Variants in ANGPTL5 observed in about 807,000 individuals in gnomAD.
ANGPTL5 encodes angiopoietin-related protein 5.
ANGPTL5 carries 34 observed loss-of-function variants against 39.4 expected under a neutral mutation model. The ratio of observed to expected loss-of-function variants is 0.86; its 90% CI spans 0.66 to 1.15. The LOEUF (loss-of-function observed/expected upper bound fraction) is 1.15. Ranked by LOEUF, ANGPTL5 falls within the 50% of genes most tolerant of loss-of-function variation. The pLI is 0.00. For missense variants in ANGPTL5, 467 were observed against 457.5 expected (o/e 1.02, Z -0.19); for synonymous variants, 146 against 152.1 (o/e 0.96, Z 0.29).
intron 3 of ANGPTL5, among the ~76,000 whole-genome samples, chr11:101,906,883 C>A (rs1279641322): frequency 6.6e-6 from 1 of 151,964 alleles, no homozygotes; most frequent in Non-Finnish European, 1.5e-5. Context: ...GCCTGAGACC[C>A]TTTTGTTGCA....
At chr11:101,897,064 G>A (rs2137052856) in intron 7 of ANGPTL5, among the ~76,000 whole-genome samples, 3 of 152,280 alleles carry the variant, frequency 2.0e-5, no homozygotes, top group Admixed American at 2.0e-4. Context: ...GGTGTGAGAT[G>A]GTATCTCCTT....
In ANGPTL5 at chr11:101,907,845, G is replaced by T. The variant is rs748917714; in HGVS notation, c.65C>A (p.Ala22Asp). The change falls in exon 2 of 9, where the codon GCT (alanine) becomes GAT (aspartate). Residue 22 changes from alanine (A) to aspartate (D), a missense_variant. Transcript: ENST00000334289. ...LNVCIFICGE[A>D]VQGNCVHHST... The stretch of plus-strand genomic sequence containing the variant: ...ATGATGTACACAGTTACCTTGTACA[G>T]CTTCTCCACAAATAAAAATACATAC... 12 of 1,609,472 alleles carry T rather than the reference G, an allele frequency of 7.5e-6. No individual in the cohort carries two copies. Among genetic ancestry groups the T allele is most frequent in the Non-Finnish European group, 8.5e-7 (1 of 1,176,168 alleles).
chr11:101,892,852 C>T (rs1047721420), intron 8 of ANGPTL5, among the ~76,000 whole-genome samples: 1 of 152,228 alleles, frequency 6.6e-6, no homozygotes, highest in African/African-American at 2.4e-5. Context: ...TGAAGAACTT[C>T]ATTAGCAGTG....
rs1939914667 is a variant in ANGPTL5 at position 101,902,167 on chromosome 11, C to A, written c.540+454G>T. Among the ~76,000 whole-genome samples, 3 of 152,032 alleles carry A rather than the reference C, an allele frequency of 2.0e-5. No homozygotes were observed. In the South Asian group the frequency reaches 6.2e-4, roughly 32 times the overall value. Reference sequence around the variant, plus strand: ...AATTTCTCATACAATCACATAAAATCATCTATCATCAGAAGAAATTATAAC... The same window carrying A: ...AATTTCTCATACAATCACATAAAATAATCTATCATCAGAAGAAATTATAAC... On this transcript the variant is annotated intron_variant, in intron 6 of 8. Coordinates refer to ENST00000334289, the MANE Select transcript of ANGPTL5 (RefSeq NM_178127.5).
rs372877223 is a variant in ANGPTL5, at chr11:101,905,702, A to G, written c.345+42T>C. 52 of 1,327,570 alleles carry G rather than the reference A, an allele frequency of 3.9e-5. No individual in the cohort carries two copies. The African/African-American group carries it at 5.5e-4, about 14-fold the overall frequency. The allele number at this position is 1,327,570 out of a possible 1,614,324, so 82.2% of individuals were successfully genotyped here. On this transcript the variant is annotated intron_variant, in intron 4 of 8. Coordinates refer to ENST00000334289, the MANE Select transcript of ANGPTL5 (RefSeq NM_178127.5). ...TATACCTCCAGCTAACTATACATCA[A>G]CGTGTACATGCAATAACAACACAAT...
rs146549224 is a variant in ANGPTL5 at position 101,894,878 on chromosome 11, C to A, written c.847+1G>T. 99 of 1,610,618 alleles carry A rather than the reference C, an allele frequency of 6.1e-5. No individual in the cohort carries two copies. The highest frequency in any genetic ancestry group is 1.6e-4 in the Middle Eastern group (1 of 6,074). On this transcript the variant is annotated splice_donor_variant, in intron 8 of 8. Coordinates refer to ENST00000334289, the MANE Select transcript of ANGPTL5 (RefSeq NM_178127.5). LOFTEE classifies it high-confidence loss of function. ...AATTTTAGGAATAAAAAAAATCTTA[C>A]CAGCATTTCCTGAATACCGTCCTAA... is the stretch of plus-strand genomic sequence containing the variant.
rs1038894067 is a variant in ANGPTL5, at chr11:101,909,427, A to C, written c.-92-1426T>G. 7.2e-5 allele frequency among the ~76,000 whole-genome samples: 11 copies of C among 152,226 alleles called. 1 individual carries two copies. The highest frequency in any genetic ancestry group is 3.9e-4 in the Admixed American group (6 of 15,290). ...TGATTACCTCCTTTGTATTATGGAA[A>C]TTGTTGTATGGATTAAAAGATATGT... On this transcript the variant is annotated intron_variant, in intron 1 of 8. Transcript: ENST00000334289.
chr11:101,911,270 C>T (rs1291027680), intron 1 of ANGPTL5, among the ~76,000 whole-genome samples: 2 of 151,670 alleles, frequency 1.3e-5, no homozygotes, highest in Non-Finnish European at 2.9e-5. Context: ...ATTACAGGCG[C>T]TTGCCACCAC....
At position 101,895,825 on chromosome 11, in the gene ANGPTL5, T is replaced by C. The variant is rs140769895; in HGVS notation, c.662-761A>G. 1.8e-3 allele frequency among the ~76,000 whole-genome samples: 280 copies of C among 152,330 alleles called. 1 individual carries two copies. Among genetic ancestry groups the C allele is most frequent in the Admixed American group, 3.7e-3 (57 of 15,306 alleles). ...GTGTATATCTCTGCTCTGAGATATA[T>C]GCCTCTACTTGAATCATAAAATTAT... On this transcript the variant is annotated intron_variant, in intron 7 of 8. Coordinates refer to ENST00000334289, the MANE Select transcript of ANGPTL5 (RefSeq NM_178127.5).
chr11:101,907,298 T>C (rs923183814), intron 2 of ANGPTL5, 51 bp from the exon 3 acceptor site: 2 of 1,156,860 alleles, frequency 1.7e-6, no homozygotes, highest in Non-Finnish European at 2.5e-6. Flanking sequence ...ACATGTTATA[T>C]GACCTAATAC....
intron 1 of ANGPTL5, chr11:101,915,149 G>T (rs756252505): frequency 1.1e-4 from 154 of 1,367,276 alleles, no homozygotes; most frequent in Middle Eastern, 5.4e-4. Flanking sequence ...GGGCTGTCGA[G>T]GCCAACCCTT....
At chr11:101,914,074 GA>G (rs1406422397) in intron 1 of ANGPTL5, among the ~76,000 whole-genome samples, 7 of 152,198 alleles carry the variant, frequency 4.6e-5, no homozygotes, top group Non-Finnish European at 8.8e-5. Flanking sequence ...AGTTTGCAAA[GA>G]TTGTTTTAAA....
At position 101,900,471 on chromosome 11, in the gene ANGPTL5, C is replaced by T. The variant is rs757290847; in HGVS notation, c.620G>A (p.Arg207Lys). The T allele has an allele frequency of 5.0e-6, 8 of 1,613,432 alleles. No homozygotes were observed. The East Asian group carries it at 1.8e-4, about 36-fold the overall frequency. Residue 207 changes from arginine (R) to lysine (K), a missense_variant, in exon 7 of 9, where the codon AGG (arginine) becomes AAG (lysine). Coordinates refer to ENST00000334289, the MANE Select transcript of ANGPTL5 (RefSeq NM_178127.5). ...TCCATCCAGATAATCACACCACAAC[C>T]TCTGGAAATCAATTATCCCATCAAT... ...KRIDGIIDFQ[R>K]LWCDYLDGFG...
In ANGPTL5 at chr11:101,907,151, A is replaced by G. The variant is rs1256742808; in HGVS notation, c.193T>C (p.Cys65Arg). ...CGTGTAATTTTAGTTTTAACATCAC[A>G]TGATTCCTCACAGTCTTCCTTACAA... ...TVCKEDCEES[C>R]DVKTKITREE... Residue 65 changes from cysteine (C) to arginine (R), a missense_variant, in exon 3 of 9, where the codon TGT becomes CGT. Cys to Arg is a radical substitution (Grantham distance 180). Coordinates refer to ENST00000334289, the MANE Select transcript of ANGPTL5 (RefSeq NM_178127.5). The G allele has an allele frequency of 1.3e-6, 2 of 1,593,872 alleles. No homozygotes were observed. The highest frequency in any genetic ancestry group is 2.2e-5 in the East Asian group (1 of 44,536).
At chr11:101,893,530 G>A (rs1056499870) in intron 8 of ANGPTL5, among the ~76,000 whole-genome samples, 1 of 152,178 alleles carries the variant, frequency 6.6e-6, no homozygotes, top group Non-Finnish European at 1.5e-5. Flanking sequence ...TTGGGAAAAT[G>A]TAGAGTACAG....
At position 101,907,815 on chromosome 11, in the gene ANGPTL5, G is replaced by A. The variant is rs779227395; in HGVS notation, c.95C>T (p.Thr32Met). The change falls in exon 2 of 9, where the codon ACG becomes ATG. Residue 32 changes from threonine (T) to methionine (M), a missense_variant and splice_region_variant. Thr to Met is a moderately conservative substitution (Grantham distance 81). Coordinates refer to ENST00000334289, the MANE Select transcript of ANGPTL5 (RefSeq NM_178127.5). ...ATATAATATTGCTAAAATTCTTACC[G>A]TAGAATGATGTACACAGTTACCTTG... The part of the protein sequence containing the change: ...AVQGNCVHHS[T>M]DSSVVNIVED... 88 of 1,580,738 alleles carry A rather than the reference G, an allele frequency of 5.6e-5. No homozygotes were observed. Among genetic ancestry groups the A allele is most frequent in the Middle Eastern group, 3.4e-4 (2 of 5,916 alleles).
intron 1 of ANGPTL5, among the ~76,000 whole-genome samples, chr11:101,910,424 A>AAAATAT (rs1469724609): frequency 3.0e-4 from 38 of 127,210 alleles, no homozygotes; most frequent in African/African-American, 1.1e-3. Flanking sequence ...AAAAAAAAAA[A>AAAATAT]ATATATATAT....
chr11:101,915,180 C>T, intron 1 of ANGPTL5: 2 of 1,523,654 alleles, frequency 1.3e-6, no homozygotes, highest in Non-Finnish European at 8.9e-7. Flanking sequence ...GACGCGGGGC[C>T]TGAGAGACGG....
intron 1 of ANGPTL5, among the ~76,000 whole-genome samples, chr11:101,908,507 A>C (rs1316055189): frequency 2.6e-5 from 4 of 152,276 alleles, no homozygotes; most frequent in African/African-American, 7.2e-5. Context: ...CGCTGGGCGC[A>C]GTGGCTCACG....
Sources: gnomAD v4.1 joint callset for allele counts (sites outside exome capture counted in the v4.1 genomes callset) on GRCh38, gnomAD v4.1.1 for gene constraint, MANE v1.5 for transcripts, NCBI Gene and HGNC (gene_info 2026-07-23, HGNC 2026-07-21) for gene names.